Variants in CCDC171 observed in about 807,000 individuals in gnomAD.
The protein encoded by CCDC171 is coiled-coil domain containing 171, also known as coiled-coil domain-containing protein 171.
In CCDC171, 177 loss-of-function variants were observed where a neutral mutation model predicts 168.2. The observed-to-expected ratio is 1.05, with a 90% CI of 0.93 to 1.19. The LOEUF is 1.19. Among genes scored for constraint, CCDC171 ranks in the 50% most tolerant of loss-of-function variants. The probability of loss-of-function intolerance (pLI) is 0.00; values close to 1 mark genes in which losing one functional copy is unlikely to be tolerated. For synonymous variants in CCDC171, 687 were observed against 540.8 expected (o/e 1.27, Z -3.75); for missense variants, 1,991 against 1,539.0 (o/e 1.29, Z -4.91).
downstream of CCDC171, among the ~76,000 whole-genome samples, chr9:15,975,544 A>T (rs1237406877): frequency 1.3e-5 from 2 of 152,126 alleles, no homozygotes; most frequent in African/African-American, 4.8e-5. Flanking sequence ...TTCAAAGGAA[A>T]CACCACCCTC....
chr9:15,988,051 T>A (rs1832053055), intron 3 of CCDC171, among the ~76,000 whole-genome samples: 1 of 152,100 alleles, frequency 6.6e-6, no homozygotes, highest in Non-Finnish European at 1.5e-5. Context: ...AATCCTTTTG[T>A]TATACTTATT....
intron 11 of CCDC171, among the ~76,000 whole-genome samples, chr9:15,718,520 G>A (rs1225521717): frequency 6.6e-6 from 1 of 152,230 alleles, no homozygotes; most frequent in Admixed American, 6.5e-5. Context: ...GGTCTTGGGT[G>A]ATACTCAGTG....
chr9:15,556,086 A>C (rs563930103), intron 1 of CCDC171, among the ~76,000 whole-genome samples: 1 of 152,212 alleles, frequency 6.6e-6, no homozygotes, highest in Non-Finnish European at 1.5e-5. Context: ...TCTATCATTG[A>C]TGGACATTTG....
intron 25 of CCDC171, among the ~76,000 whole-genome samples, chr9:15,937,956 T>C (rs1589179063): frequency 6.6e-6 from 1 of 151,860 alleles, no homozygotes; most frequent in Non-Finnish European, 1.5e-5. Flanking sequence ...GTTGGTAATA[T>C]AGTATGTACG....
intron 3 of CCDC171, among the ~76,000 whole-genome samples, chr9:15,989,359 T>G (rs1475109576): frequency 6.6e-6 from 1 of 152,180 alleles, no homozygotes; most frequent in African/African-American, 2.4e-5. Context: ...GACCTGCAGC[T>G]GAGGGTCCTG....
intron 11 of CCDC171, among the ~76,000 whole-genome samples, chr9:15,713,786 A>G (rs2052867561): frequency 1.3e-5 from 2 of 151,838 alleles, no homozygotes; most frequent in Admixed American, 6.6e-5. Context: ...TGCATTCAGA[A>G]TGATGCCATC....
chr9:15,920,244 A>G (rs781355652), intron 24 of CCDC171, 26 bp from the exon 25 acceptor site: 28 of 1,480,432 alleles, frequency 1.9e-5, no homozygotes, highest in South Asian at 2.6e-5. Context: ...TTTGAATTAT[A>G]TGTGACATTA....
intron 11 of CCDC171, among the ~76,000 whole-genome samples, chr9:15,699,837 C>G (rs181697526): frequency 6.6e-6 from 1 of 152,218 alleles, no homozygotes; most frequent in Non-Finnish European, 1.5e-5. Flanking sequence ...CATTTACAAA[C>G]CCTGAGCTAG....
intron 6 of CCDC171, among the ~76,000 whole-genome samples, chr9:16,034,388 ATAG>A (rs1461820311): frequency 1.3e-5 from 2 of 152,224 alleles, no homozygotes; most frequent in Non-Finnish European, 2.9e-5. Context: ...TACTAGAATA[ATAG>A]TAGTCTGGTG....
intron 25 of CCDC171, among the ~76,000 whole-genome samples, chr9:15,920,933 C>G (rs936274519): frequency 6.6e-6 from 1 of 150,782 alleles, no homozygotes; most frequent in Non-Finnish European, 1.5e-5. Context: ...AAATTTCAGC[C>G]CATGATGAAG....
intron 6 of CCDC171, 125 bp downstream of exon 6, chr9:15,594,297 C>A: frequency 1.7e-6 from 1 of 597,612 alleles, no homozygotes. Context: ...TCTGGAAGGC[C>A]ACATTTCATT....
intron 13 of CCDC171, among the ~76,000 whole-genome samples, chr9:15,724,257 C>A (rs897395946): frequency 6.6e-6 from 1 of 152,166 alleles, no homozygotes; most frequent in South Asian, 2.1e-4. Flanking sequence ...TCAGAAGTTT[C>A]CCAGTATTGC....
chr9:15,693,485 A>C (rs1041929478), intron 10 of CCDC171, among the ~76,000 whole-genome samples: 39 of 151,548 alleles, frequency 2.6e-4, no homozygotes, highest in Admixed American at 5.3e-4. Flanking sequence ...AAAAAAAAAA[A>C]CAGACATTTA....
intron 1 of CCDC171, among the ~76,000 whole-genome samples, chr9:16,046,402 C>A (rs150331901): frequency 1.8e-3 from 277 of 152,256 alleles, no homozygotes; most frequent in African/African-American, 5.1e-3. Flanking sequence ...ACCTGCAGGG[C>A]AATCTCTTTT....
At chr9:15,586,495 C>G (rs1343008789) in intron 4 of CCDC171, among the ~76,000 whole-genome samples, 1 of 151,990 alleles carries the variant, frequency 6.6e-6, no homozygotes, top group Non-Finnish European at 1.5e-5. Flanking sequence ...TGGGGAAAAC[C>G]GAAAGAGAAA....
intron 24 of CCDC171, among the ~76,000 whole-genome samples, chr9:15,915,556 G>A (rs1675220351): frequency 6.6e-6 from 1 of 152,104 alleles, no homozygotes; most frequent in Non-Finnish European, 1.5e-5. Context: ...TATATCATCA[G>A]CGAGCAGGGA....
At chr9:16,012,395 T>C (rs1832893050) in intron 3 of CCDC171, among the ~76,000 whole-genome samples, 1 of 152,172 alleles carries the variant, frequency 6.6e-6, no homozygotes, top group Non-Finnish European at 1.5e-5. Context: ...CATTCTTGTA[T>C]TATTTCTTTG....
At chr9:15,814,054 C>T (rs1276509871) in intron 21 of CCDC171, among the ~76,000 whole-genome samples, 3 of 152,108 alleles carry the variant, frequency 2.0e-5, no homozygotes, top group African/African-American at 7.2e-5. Flanking sequence ...TTCCTTTGAC[C>T]CCTTGACACT....
At chr9:15,865,726 G>C (rs1196713695) in intron 23 of CCDC171, among the ~76,000 whole-genome samples, 1 of 151,818 alleles carries the variant, frequency 6.6e-6, no homozygotes, top group Non-Finnish European at 1.5e-5. Context: ...TTATCAGTAA[G>C]GCTTCCAATA....
Sources: allele counts gnomAD v4.1 joint callset (sites outside exome capture counted in the v4.1 genomes callset), GRCh38; gene constraint gnomAD v4.1.1; transcripts MANE v1.5; gene names NCBI Gene and HGNC (gene_info 2026-07-23, HGNC 2026-07-21).